The following MAP2 variants were observed in gnomAD, a reference collection of about 807,000 sequenced individuals.
MAP2 encodes microtubule-associated protein 2.
MAP2 carries 14 observed loss-of-function variants against 137.6 expected under a neutral mutation model. The ratio of observed to expected loss-of-function variants is 0.10; its 90% CI spans 0.07 to 0.16. MAP2 has a LOEUF of 0.16. Ranked by LOEUF, MAP2 falls within the 10% of genes least tolerant of loss-of-function variation. The pLI, the probability that MAP2 is intolerant of heterozygous loss-of-function variation, is 1.00. For missense variants in MAP2, 2,088 were observed against 2,191.5 expected (o/e 0.95, Z 0.94); for synonymous variants, 786 against 782.3 (o/e 1.00, Z -0.08).
chr2:209,557,027 T>C (rs147179813), intron 2 of MAP2, among the ~76,000 whole-genome samples: 1 of 152,222 alleles, frequency 6.6e-6, no homozygotes. Context: ...AGGAAATATA[T>C]TTTGAATATC....
At chr2:209,458,134 AAT>A (rs1701973580) in intron 1 of MAP2, among the ~76,000 whole-genome samples, 1 of 152,090 alleles carries the variant, frequency 6.6e-6, no homozygotes, top group Non-Finnish European at 1.5e-5. Flanking sequence ...AATCCCATTT[AAT>A]AAAGTAGAAT....
rs936283267 is a variant in MAP2, at chr2:209,653,026, T to A, written c.-29-116T>A. The A allele has an allele frequency of 4.3e-6, 3 of 697,830 alleles. No individual in the cohort carries two copies. In the African/African-American group the frequency reaches 5.4e-5, roughly 13 times the overall value. The allele number at this position is 697,830 out of a possible 1,614,324, so 43.2% of individuals were successfully genotyped here. ...TATTAAACATAGGTTATTGTACATG[T>A]TTTCTTTGACCATAGAAAGCCACAC... On this transcript the variant is annotated intron_variant, in intron 4 of 15. Coordinates refer to ENST00000682079, the MANE Select transcript of MAP2 (RefSeq NM_001375505.1).
intron 2 of MAP2, among the ~76,000 whole-genome samples, chr2:209,536,536 CTT>C (rs1269817763): frequency 6.6e-6 from 1 of 152,208 alleles, no homozygotes; most frequent in African/African-American, 2.4e-5. Flanking sequence ...CCACGCAACT[CTT>C]TGTCAGTCAA....
chr2:209,425,960 C>T (rs1255699263), intron 1 of MAP2, among the ~76,000 whole-genome samples: 1 of 152,150 alleles, frequency 6.6e-6, no homozygotes, highest in African/African-American at 2.4e-5. Context: ...GTTCCAAAAG[C>T]CCCAGCCCCA....
At chr2:209,672,690 A>C (rs533992780) in intron 5 of MAP2, among the ~76,000 whole-genome samples, 1 of 151,864 alleles carries the variant, frequency 6.6e-6, no homozygotes, top group Non-Finnish European at 1.5e-5. Flanking sequence ...TTTATCCATT[A>C]TTTTGCTAGT....
At position 209,693,814 on chromosome 2, in the gene MAP2, A is replaced by T; in HGVS notation, c.1644A>T (p.Glu548Asp). The T allele has an allele frequency of 3.1e-6, 5 of 1,614,138 alleles. No homozygotes were observed. The highest frequency in any genetic ancestry group is 4.2e-6 in the Non-Finnish European group (5 of 1,180,008). ...GAGTTGATGACAAAGATAAGATTGAAGGAGTTGGAGCTGCAACATCAGCTG... is the reference window on the plus strand; with the variant it reads ...GAGTTGATGACAAAGATAAGATTGATGGAGTTGGAGCTGCAACATCAGCTG... ...EMRVDDKDKI[E>D]GVGAATSAEL... Residue 548 changes from glutamate (E) to aspartate (D), a missense_variant, in exon 8 of 16, where the codon GAA becomes GAT. Physicochemically the swap from Glu to Asp is conservative, Grantham distance 45. Around this residue, in one of 6 missense-constraint regions of MAP2, gnomAD observed 859 missense variants for 794.5 expected, o/e 1.08. Coordinates refer to ENST00000682079, the MANE Select transcript of MAP2 (RefSeq NM_001375505.1).
At chr2:209,517,790 AG>A (rs2062723596) in intron 2 of MAP2, among the ~76,000 whole-genome samples, 1 of 152,056 alleles carries the variant, frequency 6.6e-6, no homozygotes, top group Admixed American at 6.6e-5. Context: ...AGATGGGGGA[AG>A]AAGTATGCTC....
At chr2:209,539,405 A>G (rs1313508358) in intron 2 of MAP2, among the ~76,000 whole-genome samples, 1 of 152,252 alleles carries the variant, frequency 6.6e-6, no homozygotes, top group African/African-American at 2.4e-5. Context: ...GACATGAGTC[A>G]GAACAGCTGA....
At chr2:209,556,800 G>A (rs910676721) in intron 2 of MAP2, among the ~76,000 whole-genome samples, 3 of 151,732 alleles carry the variant, frequency 2.0e-5, no homozygotes, top group Non-Finnish European at 2.9e-5. Flanking sequence ...TCTAACCTAC[G>A]TTGTAAAAAA....
intron 3 of MAP2, among the ~76,000 whole-genome samples, chr2:209,585,171 G>A (rs57781584): frequency 0.17 from 25,911 of 151,440 alleles, 3,265 homozygotes; most frequent in African/African-American, 0.35. Flanking sequence ...AGAAGGATAA[G>A]AAGAGGACCA....
At chr2:209,465,186 G>A (rs1473706637) in intron 1 of MAP2, among the ~76,000 whole-genome samples, 1 of 151,698 alleles carries the variant, frequency 6.6e-6, no homozygotes, top group Non-Finnish European at 1.5e-5. Context: ...TTAGGACTAA[G>A]GTCTAAAAAA....
At chr2:209,633,648 G>A (rs2093305928) in intron 4 of MAP2, among the ~76,000 whole-genome samples, 2 of 152,076 alleles carry the variant, frequency 1.3e-5, no homozygotes, top group South Asian at 2.1e-4. Flanking sequence ...GGTAGGGAAG[G>A]GGGTTTGTTT....
intron 2 of MAP2, among the ~76,000 whole-genome samples, chr2:209,511,429 C>T (rs937152643): frequency 2.6e-5 from 4 of 152,282 alleles, no homozygotes; most frequent in Non-Finnish European, 5.9e-5. Context: ...ACACAAGGCT[C>T]TCAGTGCTAT....
At chr2:209,715,780 G>A (rs953867827) in intron 13 of MAP2, among the ~76,000 whole-genome samples, 1 of 152,206 alleles carries the variant, frequency 6.6e-6, no homozygotes, top group African/African-American at 2.4e-5. Context: ...TCTAGGAACA[G>A]CAAGTACATC....
chr2:209,469,421 AT>A lies in MAP2; in HGVS notation c.-221-38162del, dbSNP rs200428395. Among the ~76,000 whole-genome samples, 53 of 151,820 alleles carry A rather than the reference AT, an allele frequency of 3.5e-4. No individual in the cohort carries two copies. In the South Asian group the frequency reaches 0.011, roughly 30 times the overall value. On this transcript the variant is annotated intron_variant, in intron 1 of 15. Transcript: ENST00000682079. ...AGTTCTCTAAAACATTTCTGATGTA[AT>A]TTTTTTTTATATTTTACTTTTTAAA... is the stretch of plus-strand genomic sequence containing the variant.
intron 13 of MAP2, among the ~76,000 whole-genome samples, chr2:209,719,771 TTAAAA>T (rs2069433143): frequency 6.6e-6 from 1 of 152,308 alleles, no homozygotes; most frequent in Non-Finnish European, 1.5e-5. Flanking sequence ...ATTAGTAAAA[TTAAAA>T]TAAAGCAATT....
chr2:209,522,386 T>A (rs1192846231), intron 2 of MAP2, among the ~76,000 whole-genome samples: 4 of 152,100 alleles, frequency 2.6e-5, no homozygotes, highest in African/African-American at 9.7e-5. Context: ...TTGGAAGAAG[T>A]CTTGCAGGTT....
At chr2:209,472,289 C>T (rs1419799103) in intron 1 of MAP2, among the ~76,000 whole-genome samples, 1 of 152,182 alleles carries the variant, frequency 6.6e-6, no homozygotes, top group East Asian at 1.9e-4. Context: ...GGCTGTTAGC[C>T]AAGGATTTAA....
In MAP2 at chr2:209,732,861, C is replaced by T. The variant is rs1559697181; in HGVS notation, c.*2464C>T. ...AAATTATAATGAATAAATGTTCTTGCTTTGTATGGAAATACAATTCTTTAT... is the reference window on the plus strand; with the variant it reads ...AAATTATAATGAATAAATGTTCTTGTTTTGTATGGAAATACAATTCTTTAT... On this transcript the variant is annotated 3_prime_UTR_variant, in exon 16 of 16. Coordinates refer to ENST00000682079, the MANE Select transcript of MAP2 (RefSeq NM_001375505.1). 1 of 152,538 alleles carries T rather than the reference C, an allele frequency of 6.6e-6. No individual in the cohort carries two copies. The highest frequency in any genetic ancestry group is 6.5e-5 in the Admixed American group (1 of 15,268). 9.4% of individuals were successfully genotyped at this position (152,538 alleles called of 1,614,324 possible).
Sources: allele counts gnomAD v4.1 joint callset (sites outside exome capture counted in the v4.1 genomes callset), GRCh38; gene constraint gnomAD v4.1.1; regional missense constraint gnomAD v4.1.1; transcripts MANE v1.5; gene names NCBI Gene and HGNC (gene_info 2026-07-23, HGNC 2026-07-21).